Variants in QRICH2 observed in about 807,000 individuals in gnomAD.
The protein encoded by QRICH2 is glutamine rich 2.
Under a neutral mutation model 168.3 loss-of-function variants are expected in QRICH2, and 119 were observed. The observed-to-expected ratio is 0.71, with a 90% confidence interval of 0.61 to 0.82. The LOEUF (loss-of-function observed/expected upper bound fraction) is 0.82. Ranked by LOEUF, QRICH2 falls within the 40% of genes least tolerant of loss-of-function variation. QRICH2 has a pLI of 0.00. For missense variants in QRICH2, 2,241 were observed against 2,491.6 expected (o/e 0.90, Z 2.14); for synonymous variants, 894 against 951.2 (o/e 0.94, Z 1.11).
chr17:76,284,763 A>C (rs1248927205), intron 7 of QRICH2, among the ~76,000 whole-genome samples: 1 of 151,336 alleles, frequency 6.6e-6, no homozygotes, highest in African/African-American at 2.4e-5. Context: ...GGTTGCAGTG[A>C]GCTGAGATTG....
In QRICH2 at chr17:76,293,243, C is replaced by A. The variant is rs772880270; in HGVS notation, c.1484G>T (p.Cys495Phe). The change falls in exon 4 of 19, where the codon TGT (cysteine) becomes TTT (phenylalanine). Residue 495 changes from cysteine to phenylalanine, a missense_variant. Coordinates refer to ENST00000680821, the MANE Select transcript of QRICH2 (RefSeq NM_001388453.1). ...MEPLGMDQRG[C>F]VISGMGQQGL... is the part of the protein sequence containing the mutation. The stretch of plus-strand genomic sequence containing the variant: ...TTGCTGACCCATGCCTGATATTACA[C>A]ATCCACGCTGATCCATGCCAAGTGG... 6.2e-7 allele frequency: 1 copy of A among 1,613,890 alleles called. No individual in the cohort carries two copies. Among genetic ancestry groups the A allele is most frequent in the African/African-American group, 1.3e-5 (1 of 74,904 alleles).
rs1257255831 is a variant in QRICH2 at position 76,292,189 on chromosome 17, T to C, written c.2538A>G (p.Ala846=). 1 of 1,522,498 alleles carries C rather than the reference T, an allele frequency of 6.6e-7. No homozygotes were observed. Among genetic ancestry groups the C allele is most frequent in the South Asian group, 1.2e-5 (1 of 83,758 alleles). The allele number at this position is 1,522,498 out of a possible 1,614,324, so 94.3% of individuals were successfully genotyped here. ...AVQRGLVQPG[A]VQHGLVQPGA... ...CAGGTTGGACCAAACCATGCTGAAC[T>C]GCACCAGGTTGGACCAAACCACGCT... The change falls in exon 4 of 19, where the codon GCA becomes GCG. Residue 846 remains alanine (A), a synonymous_variant. Transcript: ENST00000680821.
intron 3 of QRICH2, among the ~76,000 whole-genome samples, chr17:76,294,951 G>A (rs184997275): frequency 1.3e-5 from 2 of 151,868 alleles, no homozygotes; most frequent in African/African-American, 4.8e-5. Context: ...TAAAGTCTGG[G>A]TCTGGCACGG....
intron 16 of QRICH2, 109 bp from the exon 17 acceptor site, chr17:76,276,876 G>T: frequency 1.1e-6 from 1 of 901,282 alleles, no homozygotes. Context: ...CCCTCCTGGG[G>T]GGCTCTGGGA....
rs373021869 is a variant in QRICH2 at position 76,291,893 on chromosome 17, C to G, written c.2834G>C (p.Gly945Ala). ...GAYPLGLVQP[G>A]AYLHDLSQSG... ...TTGAGATAAATCATGCAAATATGCA[C>G]CAGGTTGTACCAAACCAAGAGGATA... The change falls in exon 4 of 19, where the codon GGT (glycine) becomes GCT (alanine). Residue 945 changes from glycine to alanine, a missense_variant. Around this residue, in one of 3 missense-constraint regions of QRICH2, gnomAD observed 2,047 missense variants for 2,303.8 expected, o/e 0.89. Transcript: ENST00000680821. The G allele has an allele frequency of 4.3e-6, 7 of 1,614,192 alleles. No homozygotes were observed. The African/African-American group carries it at 8.0e-5, about 18-fold the overall frequency.
rs2070845379 is a variant in QRICH2 at position 76,284,479 on chromosome 17, C to G, written c.4012-2364G>C. Among the ~76,000 whole-genome samples, 2 of 102,742 alleles carry G rather than the reference C, an allele frequency of 1.9e-5. 1 individual carries two copies. Among genetic ancestry groups the G allele is most frequent in the Admixed American group, 1.9e-4 (2 of 10,620 alleles). 67.4% of individuals were successfully genotyped at this position (102,742 alleles called of 152,430 possible). A position where few individuals can be genotyped will look rare whatever the true frequency, so the allele number is the denominator to read the frequency against. On this transcript the variant is annotated intron_variant, in intron 7 of 18. Transcript: ENST00000680821. ...AACAATAAAATGACAAATAACTCAC[C>G]TGAAAAAATGGATGAAGGATTTGGA...
In QRICH2 at chr17:76,277,244, G is replaced by A. The variant is rs758815753; in HGVS notation, c.5184C>T (p.Leu1728=). 6.2e-7 allele frequency: 1 copy of A among 1,604,324 alleles called. No homozygotes were observed. The highest frequency in any genetic ancestry group is 8.5e-7 in the Non-Finnish European group (1 of 1,177,326). ...VPRRCGGSHT[L]TYPYHRSRPQ... is the part of the protein sequence containing the mutation. Reference sequence around the variant, plus strand: ...GGCGGCTGCGGTGGTAGGGGTAGGTGAGGGTGTGGCTGCCCCCGCAGCGCC... The same window carrying A: ...GGCGGCTGCGGTGGTAGGGGTAGGTAAGGGTGTGGCTGCCCCCGCAGCGCC... Residue 1728 remains leucine (L), a synonymous_variant, in exon 16 of 19, where the codon CTC becomes CTT. Coordinates refer to ENST00000680821, the MANE Select transcript of QRICH2 (RefSeq NM_001388453.1).
At position 76,274,226 on chromosome 17, in the gene QRICH2, G is replaced by A. The variant is rs151266908; in HGVS notation, c.5517C>T (p.Ser1839=). ...SSRQQKDRPS[S]EGRLSQPNTA... ...TGTTCGGCTGGGAGAGACGGCCCTC[G>A]GAGGAAGGTCTATCTTTCTGTTGAC... The change falls in exon 19 of 19, where the codon TCC becomes TCT. Residue 1839 remains serine (S), a synonymous_variant. Transcript: ENST00000680821. The A allele has an allele frequency of 1.3e-3, 2,068 of 1,598,000 alleles. 25 individuals carry two copies. In the African/African-American group the frequency reaches 0.024, roughly 18 times the overall value.
Position 76,306,183 on chromosome 17 carries a change from A to T in QRICH2, c.535-1242T>A, listed in dbSNP as rs1478887146. Among the ~76,000 whole-genome samples, 813 of 151,314 alleles carry T rather than the reference A, an allele frequency of 5.4e-3. 7 individuals are homozygous for T. Among genetic ancestry groups the T allele is most frequent in the African/African-American group, 0.019 (775 of 41,348 alleles). Reference sequence around the variant, plus strand: ...GAATGTGTCTCAAAAAAAAAAAAAAAAAAAAAAAAACCCAAAAAAATTAAA... The same window carrying T: ...GAATGTGTCTCAAAAAAAAAAAAAATAAAAAAAAAACCCAAAAAAATTAAA... On this transcript the variant is annotated intron_variant, in intron 1 of 18. Coordinates refer to ENST00000680821, the MANE Select transcript of QRICH2 (RefSeq NM_001388453.1).
intron 3 of QRICH2, among the ~76,000 whole-genome samples, chr17:76,296,598 C>T (rs1354197021): frequency 1.3e-5 from 2 of 151,736 alleles, no homozygotes; most frequent in African/African-American, 4.8e-5. Flanking sequence ...GCCAACAAGG[C>T]GAAACCCCAT....
intron 17 of QRICH2, 57 bp from the exon 18 acceptor site, chr17:76,276,004 G>A (rs2143108334): frequency 1.9e-6 from 3 of 1,584,810 alleles, no homozygotes; most frequent in Middle Eastern, 4.5e-4. Flanking sequence ...AGCTCTGTGG[G>A]AACCCCTGGG....
At chr17:76,299,620 T>G (rs1389668204) in intron 3 of QRICH2, among the ~76,000 whole-genome samples, 1 of 151,630 alleles carries the variant, frequency 6.6e-6, no homozygotes, top group East Asian at 2.0e-4. Flanking sequence ...GCCTGTAATC[T>G]CAGCTACTCG....
In QRICH2 at chr17:76,293,891, A is replaced by C; in HGVS notation, c.836T>G (p.Leu279Arg). Residue 279 changes from leucine (L) to arginine (R), a missense_variant, in exon 4 of 19, where the codon CTT becomes CGT. Coordinates refer to ENST00000680821, the MANE Select transcript of QRICH2 (RefSeq NM_001388453.1). ...TCCTGATGCAGTCCGATCCGGGCCA[A>C]GACCACTGGCAGAATCCAGAGCCTG... ...IEQALDSASG[L>R]GPDRTASGSG... 1 of 1,614,174 alleles carries C rather than the reference A, an allele frequency of 6.2e-7. No homozygotes were observed. The highest frequency in any genetic ancestry group is 8.5e-7 in the Non-Finnish European group (1 of 1,180,048).
intron 3 of QRICH2, among the ~76,000 whole-genome samples, chr17:76,295,657 A>G (rs1381391600): frequency 6.6e-6 from 1 of 152,144 alleles, no homozygotes; most frequent in Non-Finnish European, 1.5e-5. Flanking sequence ...AGAAATAAAT[A>G]AATAAAATGT....
At position 76,291,735 on chromosome 17, in the gene QRICH2, A is replaced by G; in HGVS notation, c.2992T>C (p.Ser998Pro). Reference sequence around the variant, plus strand: ...GGACGTACTGATATAAAACCTGTAGAATCTGCCTGGAATGTTGAAGAGCCA... The same window carrying G: ...GGACGTACTGATATAAAACCTGTAGGATCTGCCTGGAATGTTGAAGAGCCA... ...LRGSSTFQAD[S>P]TGFISVRPYQ... Residue 998 changes from serine to proline, a missense_variant, in exon 4 of 19, where the codon TCT becomes CCT. Ser to Pro is a moderately conservative substitution (Grantham distance 74). Transcript: ENST00000680821. The G allele has an allele frequency of 6.2e-7, 1 of 1,614,150 alleles. No homozygotes were observed.
At chr17:76,294,737 C>T (rs1213868608) in intron 3 of QRICH2, among the ~76,000 whole-genome samples, 8 of 147,696 alleles carry the variant, frequency 5.4e-5, no homozygotes, top group Admixed American at 1.4e-4. Flanking sequence ...CGCTTGAACC[C>T]GGGAGGTGGA....
intron 18 of QRICH2, among the ~76,000 whole-genome samples, chr17:76,274,678 AAC>A (rs1020542651): frequency 6.6e-6 from 1 of 152,080 alleles, no homozygotes; most frequent in Non-Finnish European, 1.5e-5. Context: ...TTCCCAAGAA[AAC>A]AGAGTTCTGG....
At chr17:76,275,739 A>G in intron 18 of QRICH2, 80 bp downstream of exon 18, 5 of 1,525,014 alleles carry the variant, frequency 3.3e-6, no homozygotes, top group Non-Finnish European at 3.5e-6. Flanking sequence ...GGGGAGATAA[A>G]GGCCCTACAT....
chr17:76,279,229 C>T lies in QRICH2; in HGVS notation c.4815-87G>A, dbSNP rs149921669. Reference sequence around the variant, plus strand: ...CACCTGCCTAAAGAACCTTCCCACCCGCCCCCGGCCTGGAAGGGAGCGAGG... The same window carrying T: ...CACCTGCCTAAAGAACCTTCCCACCTGCCCCCGGCCTGGAAGGGAGCGAGG... On this transcript the variant is annotated intron_variant, in intron 13 of 18. Coordinates refer to ENST00000680821, the MANE Select transcript of QRICH2 (RefSeq NM_001388453.1). 282 of 1,347,896 alleles carry T rather than the reference C, an allele frequency of 2.1e-4. 4 individuals are homozygous for T. The highest frequency in any genetic ancestry group is 1.6e-3 in the Middle Eastern group (9 of 5,526). The allele number at this position is 1,347,896 out of a possible 1,614,324, so 83.5% of individuals were successfully genotyped here.
Sources: allele counts gnomAD v4.1 joint callset (sites outside exome capture counted in the v4.1 genomes callset), GRCh38; gene constraint gnomAD v4.1.1; regional missense constraint gnomAD v4.1.1; transcripts MANE v1.5; gene names NCBI Gene and HGNC (gene_info 2026-07-23, HGNC 2026-07-21).